KDM5B: variants seen among roughly 807,000 people sequenced by gnomAD.
The protein encoded by KDM5B is lysine demethylase 5B, also known as lysine-specific demethylase 5B.
In KDM5B, 144 loss-of-function variants were observed where a neutral mutation model predicts 193.4. That is an observed-to-expected ratio of 0.74 (90% CI 0.65 to 0.86). The LOEUF is 0.86. KDM5B is among the 40% of genes least tolerant of loss of function. KDM5B has a pLI of 0.00. For synonymous variants in KDM5B, 668 were observed against 682.6 expected, an observed-to-expected ratio of 0.98 and a Z score of 0.33; for missense variants, 1,833 against 1,886.9, an observed-to-expected ratio of 0.97 and a Z score of 0.53.
chr1:202,762,719 A>T lies in KDM5B; in HGVS notation c.898T>A (p.Ser300Thr). 1.2e-6 allele frequency: 2 copies of T among 1,604,264 alleles called. No individual in the cohort carries two copies. Among genetic ancestry groups the T allele is most frequent in the Non-Finnish European group, 8.5e-7 (1 of 1,171,102 alleles). Residue 300 changes from serine to threonine, a missense_variant, in exon 7 of 27, where the codon TCT (serine) becomes ACT (threonine). Transcript: ENST00000367265. Reference protein sequence around the residue: ...ENEKEKPKSRSKKATNAVDLY... With the variant: ...ENEKEKPKSRTKKATNAVDLY... ...CTCACAGCATTGGTGGCTTTTTTAG[A>T]TCGACTCTTGGGCTTTTCCTTCTCA...
At chr1:202,743,073 C>G (rs930691389) in intron 16 of KDM5B, among the ~76,000 whole-genome samples, 10 of 151,988 alleles carry the variant, frequency 6.6e-5, no homozygotes, top group Non-Finnish European at 1.5e-5. Flanking sequence ...CAGTGGCTCA[C>G]GCCTGTAAAT....
intron 1 of KDM5B, among the ~76,000 whole-genome samples, chr1:202,777,303 TAC>T (rs1199444284): frequency 4.2e-5 from 6 of 143,064 alleles, no homozygotes; most frequent in Non-Finnish European, 7.5e-5. Context: ...ATATCACATA[TAC>T]ACCTCTCCCC....
intron 10 of KDM5B, 134 bp from the exon 11 acceptor site, chr1:202,755,586 T>C (rs1334254712): frequency 1.5e-6 from 1 of 682,670 alleles, no homozygotes; most frequent in Admixed American, 2.9e-5. Flanking sequence ...GCTGACCTTC[T>C]AGGATGCCCA....
chr1:202,758,554 C>G, intron 8 of KDM5B, 44 bp from the exon 9 acceptor site: 1 of 1,517,940 alleles, frequency 6.6e-7, no homozygotes, highest in South Asian at 1.3e-5. Context: ...CTGAAAACAT[C>G]AAGTATACTT....
chr1:202,746,838 A>C (rs1655579944), intron 14 of KDM5B, among the ~76,000 whole-genome samples: 1 of 152,202 alleles, frequency 6.6e-6, no homozygotes, highest in Admixed American at 6.5e-5. Context: ...AAGTTATATG[A>C]AAGGATATCA....
chr1:202,799,174 A>G (rs889364550), intron 1 of KDM5B, among the ~76,000 whole-genome samples: 2 of 152,236 alleles, frequency 1.3e-5, no homozygotes, highest in African/African-American at 2.4e-5. Context: ...TCAATTAATT[A>G]GTCTGGACAG....
chr1:202,788,948 G>C (rs1261095871), intron 1 of KDM5B, among the ~76,000 whole-genome samples: 3 of 152,128 alleles, frequency 2.0e-5, no homozygotes, highest in Non-Finnish European at 4.4e-5. Context: ...TCAGGGGGAA[G>C]GGATTTAGGA....
chr1:202,741,256 C>CTT (rs1330412369), intron 19 of KDM5B, 111 bp downstream of exon 19: 3 of 637,778 alleles, frequency 4.7e-6, no homozygotes, highest in Non-Finnish European at 7.5e-6. Context: ...CTTCCACATG[C>CTT]ATAATAACCG....
At chr1:202,777,526 C>A (rs1382801558) in intron 1 of KDM5B, among the ~76,000 whole-genome samples, 1 of 151,522 alleles carries the variant, frequency 6.6e-6, no homozygotes, top group Non-Finnish European at 1.5e-5. Context: ...TAAGGTTTCA[C>A]TCTGTTGCCC....
intron 25 of KDM5B, among the ~76,000 whole-genome samples, chr1:202,730,541 A>C (rs960315417): frequency 3.9e-5 from 6 of 152,132 alleles, no homozygotes; most frequent in African/African-American, 1.4e-4. Flanking sequence ...TGGCAAATGA[A>C]ATTTGCCATG....
chr1:202,739,581 G>GAACA (rs1655226445), intron 20 of KDM5B, among the ~76,000 whole-genome samples: 1 of 151,952 alleles, frequency 6.6e-6, no homozygotes, highest in African/African-American at 2.4e-5. Flanking sequence ...ATAAACAAGT[G>GAACA]AACAAAGGTC....
rs754489915 is a variant in KDM5B at position 202,773,209 on chromosome 1, G to A, written c.485C>T (p.Ala162Val). 1 of 1,613,804 alleles carries A rather than the reference G, an allele frequency of 6.2e-7. No individual in the cohort carries two copies. The highest frequency in any genetic ancestry group is 1.1e-5 in the South Asian group (1 of 91,070). The stretch of plus-strand genomic sequence containing the variant: ...ATGTGAGCCCACTGCTTTGCCAGGA[G>A]CAAACCCCATCTTGGTAGCAATTTT... ...WTKIATKMGF[A>V]PGKAVGSHIR... is the part of the protein sequence containing the mutation. Residue 162 changes from alanine (A) to valine (V), a missense_variant, in exon 4 of 27, where the codon GCT (alanine) becomes GTT (valine). Physicochemically the swap from Ala to Val is moderately conservative, Grantham distance 64. Coordinates refer to ENST00000367265, the MANE Select transcript of KDM5B (RefSeq NM_006618.5).
chr1:202,777,719 G>A (rs1039854116), intron 1 of KDM5B, among the ~76,000 whole-genome samples: 8 of 151,842 alleles, frequency 5.3e-5, no homozygotes, highest in African/African-American at 1.9e-4. Flanking sequence ...GATCAGTCTC[G>A]AACTCTACAG....
Position 202,731,077 on chromosome 1 carries a change from G to C in KDM5B, c.4022-14C>G. On this transcript the variant is annotated splice_polypyrimidine_tract_variant and intron_variant, in intron 24 of 26. Transcript: ENST00000367265. ...CTGGACTAACACCTGTAAAAGACCA[G>C]ACCAAATCAAAATGATAACAACAAA... is the stretch of plus-strand genomic sequence containing the variant. The C allele has an allele frequency of 4.4e-6, 7 of 1,575,900 alleles. No individual in the cohort carries two copies. Among genetic ancestry groups the C allele is most frequent in the Non-Finnish European group, 6.0e-6 (7 of 1,158,188 alleles).
intron 1 of KDM5B, among the ~76,000 whole-genome samples, chr1:202,793,608 C>CTCAAGGATA (rs1657726801): frequency 6.6e-6 from 1 of 152,194 alleles, no homozygotes; most frequent in Non-Finnish European, 1.5e-5. Flanking sequence ...AATAATGGAA[C>CTCAAGGATA]ACATGCCAGA....
Position 202,741,372 on chromosome 1 carries a change from C to A in KDM5B, c.2940G>T (p.Lys980Asn). ...HWDDKAKSLL[K>N]ARPRHSLNSL... Reference sequence around the variant, plus strand: ...AGAGAAGTCTGCTTTTTCACCTGGCCTTGAGGAGACTCTTGGCTTTGTCGT... The same window carrying A: ...AGAGAAGTCTGCTTTTTCACCTGGCATTGAGGAGACTCTTGGCTTTGTCGT... The change falls in exon 19 of 27, where the codon AAG becomes AAT. Residue 980 changes from lysine (K) to asparagine (N), a missense_variant. By Grantham distance (94) the Lys-to-Asn change is moderately conservative. This residue lies in a region of KDM5B where 1,379 missense variants were observed against 1,349.6 expected (regional missense o/e 1.02). Coordinates refer to ENST00000367265, the MANE Select transcript of KDM5B (RefSeq NM_006618.5). 1 of 1,535,936 alleles carries A rather than the reference C, an allele frequency of 6.5e-7. No homozygotes were observed.
rs1233969927 is a variant in KDM5B at position 202,767,032 on chromosome 1, T to C, written c.605A>G (p.Asp202Gly). The change falls in exon 5 of 27, where the codon GAC (aspartate) becomes GGC (glycine). Residue 202 changes from aspartate to glycine, a missense_variant. Coordinates refer to ENST00000367265, the MANE Select transcript of KDM5B (RefSeq NM_006618.5). ...RCLQKPNLTT[D>G]TKDKEYKPHD... ...GGGTTTGTACTCCTTGTCCTTAGTG[T>C]CTGTGGTCAGGTTTGGCTTCTGCAA... The C allele has an allele frequency of 6.2e-7, 1 of 1,609,406 alleles. No individual in the cohort carries two copies. The highest frequency in any genetic ancestry group is 1.1e-5 in the South Asian group (1 of 90,062).
chr1:202,778,362 T>C (rs1657050132), intron 1 of KDM5B, among the ~76,000 whole-genome samples: 1 of 152,062 alleles, frequency 6.6e-6, no homozygotes. Flanking sequence ...GAAATGAATG[T>C]CTACAACAAG....
intron 11 of KDM5B, 140 bp from the exon 12 acceptor site, chr1:202,753,207 G>C: frequency 1.4e-6 from 1 of 724,314 alleles, no homozygotes. Flanking sequence ...CATTAGAAAT[G>C]TGAATGTGAG....
Sources: allele counts gnomAD v4.1 joint callset (sites outside exome capture counted in the v4.1 genomes callset), GRCh38; gene constraint gnomAD v4.1.1; regional missense constraint gnomAD v4.1.1; transcripts MANE v1.5; gene names NCBI Gene and HGNC (gene_info 2026-07-23, HGNC 2026-07-21).